ANXA5: variants seen among roughly 807,000 people sequenced by gnomAD.
The protein encoded by ANXA5 is annexin A5.
A neutral mutation model predicts 48.1 loss-of-function variants in ANXA5; 40 were observed. The ratio of observed to expected loss-of-function variants is 0.83; its 90% CI spans 0.65 to 1.08. ANXA5 has a LOEUF of 1.08. Among genes scored for constraint, ANXA5 ranks in the 50% least tolerant of loss-of-function variants. ANXA5 has a pLI of 0.00. For missense variants in ANXA5, 357 were observed against 376.8 expected, an observed-to-expected ratio of 0.95 and a Z score of 0.44; for synonymous variants, 113 against 129.1, an observed-to-expected ratio of 0.88 and a Z score of 0.85.
chr4:121,683,261 T>A, intron 5 of ANXA5, 103 bp downstream of exon 5: 1 of 632,944 alleles, frequency 1.6e-6, no homozygotes. Flanking sequence ...CTCACTGAAA[T>A]AATCAGATAA....
At chr4:121,688,091 G>T (rs1022465394) in intron 2 of ANXA5, among the ~76,000 whole-genome samples, 1 of 152,140 alleles carries the variant, frequency 6.6e-6, no homozygotes, top group South Asian at 2.1e-4. Flanking sequence ...CAGCATCCTT[G>T]TAAGAATCCA....
chr4:121,676,698 T>A (rs1003643646), intron 8 of ANXA5, among the ~76,000 whole-genome samples: 4 of 150,876 alleles, frequency 2.7e-5, no homozygotes, highest in African/African-American at 9.7e-5. Flanking sequence ...GGTATGGTTT[T>A]CCCTGTGAGG....
At chr4:121,696,504 A>G in intron 2 of ANXA5, 77 bp downstream of exon 2, 1 of 1,287,338 alleles carries the variant, frequency 7.8e-7, no homozygotes, top group Non-Finnish European at 1.0e-6. Flanking sequence ...TGGCTCTCAG[A>G]CAAATCCTAA....
Position 121,687,331 on chromosome 4 carries a change from C to A in ANXA5, c.10-959G>T, listed in dbSNP as rs572912798. 1.7e-4 allele frequency among the ~76,000 whole-genome samples: 26 copies of A among 151,244 alleles called. No homozygotes were observed. The South Asian group carries it at 5.4e-3, about 32-fold the overall frequency. On this transcript the variant is annotated intron_variant, in intron 2 of 12. Transcript: ENST00000296511. ...AAAAAAAAAAAAAAGTTAGTGATAT[C>A]ATTAGATCCTGAGAGTCATAAGGCT... is the stretch of plus-strand genomic sequence containing the variant.
At chr4:121,673,085 T>C (rs1724638926) in intron 8 of ANXA5, among the ~76,000 whole-genome samples, 1 of 152,222 alleles carries the variant, frequency 6.6e-6, no homozygotes, top group Non-Finnish European at 1.5e-5. Flanking sequence ...TCATATTTTC[T>C]CTTTACAACT....
In ANXA5 at chr4:121,684,743, CAG is replaced by C. The variant is rs758001979; in HGVS notation, c.121_122del (p.Leu41ValfsTer6). On this transcript the variant is annotated frameshift_variant, in exon 4 of 13. Transcript: ENST00000296511. LOFTEE classifies it high-confidence loss of function. ...GCTGAGCATTACTTCGGGATGTCAA[CAG>C]AGTCAGGATGCTCTCCTCATCTGTG... ...LGTDEESILT[L>X]LTSRSNAQRQ... 279 of 1,613,886 alleles carry C rather than the reference CAG, an allele frequency of 1.7e-4. No individual in the cohort carries two copies. The highest frequency in any genetic ancestry group is 2.3e-4 in the Non-Finnish European group (269 of 1,179,948).
At chr4:121,675,394 CT>C (rs1298527053) in intron 8 of ANXA5, among the ~76,000 whole-genome samples, 1 of 152,214 alleles carries the variant, frequency 6.6e-6, no homozygotes, top group African/African-American at 2.4e-5. Flanking sequence ...CAAATTCTCA[CT>C]AGTGATAACA....
chr4:121,680,490 A>G lies in ANXA5; in HGVS notation c.394+1181T>C, dbSNP rs550223294. On this transcript the variant is annotated intron_variant, in intron 6 of 12. Transcript: ENST00000296511. ...AATTTCATTATCCTTTAAATATTGC[A>G]GTCATTCTGTCATGTCACCCACTGA... is the stretch of plus-strand genomic sequence containing the variant. Among the ~76,000 whole-genome samples, 7 of 152,302 alleles carry G rather than the reference A, an allele frequency of 4.6e-5. No homozygotes were observed. In the South Asian group the frequency reaches 1.4e-3, roughly 32 times the overall value.
intron 12 of ANXA5, 124 bp downstream of exon 12, chr4:121,669,478 C>T: frequency 1.7e-6 from 2 of 1,189,160 alleles, no homozygotes; most frequent in Non-Finnish European, 1.2e-6. Context: ...TAACTCATTG[C>T]TCTAATCGTG....
chr4:121,691,571 T>C (rs1165599355), intron 2 of ANXA5, among the ~76,000 whole-genome samples: 2 of 151,934 alleles, frequency 1.3e-5, no homozygotes, highest in Non-Finnish European at 2.9e-5. Context: ...CACGTAATAT[T>C]AACTAGGAGC....
At chr4:121,692,445 G>A (rs1725003649) in intron 2 of ANXA5, among the ~76,000 whole-genome samples, 1 of 152,208 alleles carries the variant, frequency 6.6e-6, no homozygotes, top group Admixed American at 6.5e-5. Flanking sequence ...GTGAGTTAAA[G>A]TGAGCAGGTG....
At chr4:121,693,872 A>C (rs1262750643) in intron 2 of ANXA5, among the ~76,000 whole-genome samples, 1 of 152,222 alleles carries the variant, frequency 6.6e-6, no homozygotes, top group African/African-American at 2.4e-5. Context: ...ATCAATATCC[A>C]GTCAGCTCCT....
chr4:121,683,984 T>G (rs973362194), intron 4 of ANXA5, among the ~76,000 whole-genome samples: 2 of 152,034 alleles, frequency 1.3e-5, no homozygotes, highest in African/African-American at 4.8e-5. Context: ...AAATTGTGTA[T>G]GTAATTATGA....
chr4:121,679,435 A>G (rs1194160915), intron 6 of ANXA5, among the ~76,000 whole-genome samples: 1 of 152,130 alleles, frequency 6.6e-6, no homozygotes, highest in Non-Finnish European at 1.5e-5. Context: ...TCTCAATTCA[A>G]ATCTCCTTCC....
chr4:121,678,416 T>G lies in ANXA5; in HGVS notation c.473A>C (p.Gln158Pro). ...YYQRMLVVLL[Q>P]ANRDPDAGID... is the part of the protein sequence containing the mutation. ...CTGTAATTAATCTCCACGCAATACC[T>G]GAAGGAGAACCACCAACATCCGCTG... Residue 158 changes from glutamine to proline, a missense_variant and splice_region_variant, in exon 7 of 13, where the codon CAG becomes CCG. Transcript: ENST00000296511. 6.2e-7 allele frequency: 1 copy of G among 1,612,860 alleles called. No individual in the cohort carries two copies. Among genetic ancestry groups the G allele is most frequent in the Non-Finnish European group, 8.5e-7 (1 of 1,179,348 alleles).
chr4:121,696,576 CT>C lies in ANXA5; in HGVS notation c.9+4del. ...TCCAGCGCAGTGGGGGGCGCACGGC[CT>C]TACCTGTGCCATGGCGACTACTCAG... On this transcript the variant is annotated splice_donor_region_variant and intron_variant, in intron 2 of 12. Transcript: ENST00000296511. 2.1e-6 allele frequency: 3 copies of C among 1,421,304 alleles called. No homozygotes were observed. Among genetic ancestry groups the C allele is most frequent in the East Asian group, 2.7e-5 (1 of 37,554 alleles). 88.0% of individuals were successfully genotyped at this position (1,421,304 alleles called of 1,614,324 possible). A position where few individuals can be genotyped will look rare whatever the true frequency, so the allele number is the denominator to read the frequency against.
chr4:121,693,978 C>T (rs1725030045), intron 2 of ANXA5, among the ~76,000 whole-genome samples: 1 of 151,622 alleles, frequency 6.6e-6, no homozygotes, highest in African/African-American at 2.4e-5. Context: ...TTAAACCAAC[C>T]GAAAATATTT....
chr4:121,686,420 CA>C (rs772104709), intron 2 of ANXA5, 48 bp from the exon 3 acceptor site: 7 of 1,374,084 alleles, frequency 5.1e-6, no homozygotes, highest in Non-Finnish European at 7.2e-6. Flanking sequence ...ACTAATATGA[CA>C]AAGTAAATAA....
chr4:121,670,025 A>G lies in ANXA5; in HGVS notation c.722-13T>C. On this transcript the variant is annotated splice_polypyrimidine_tract_variant and intron_variant, in intron 10 of 12. Coordinates refer to ENST00000296511, the MANE Select transcript of ANXA5 (RefSeq NM_001154.4). ...CGAATAGATTTCACTAAGAAAATAA[A>G]CAATACAATGGTCAAATGCTATTTT... The G allele has an allele frequency of 6.4e-7, 1 of 1,572,010 alleles. No individual in the cohort carries two copies. The highest frequency in any genetic ancestry group is 8.7e-7 in the Non-Finnish European group (1 of 1,151,590).
Sources: gnomAD v4.1 joint callset for allele counts (sites outside exome capture counted in the v4.1 genomes callset) on GRCh38, gnomAD v4.1.1 for gene constraint, MANE v1.5 for transcripts, NCBI Gene and HGNC (gene_info 2026-07-23, HGNC 2026-07-21) for gene names.